DAB1: variants seen among roughly 807,000 people sequenced by gnomAD.
DAB1 encodes DAB adaptor protein 1, also known as disabled homolog 1.
In DAB1, 15 loss-of-function variants were observed where a neutral mutation model predicts 64.6. The observed-to-expected ratio is 0.23, with a 90% CI of 0.16 to 0.36. The LOEUF (loss-of-function observed/expected upper bound fraction) is 0.36. DAB1 is among the 10% of genes least tolerant of loss of function. The pLI, the probability that DAB1 is intolerant of heterozygous loss-of-function variation, is 1.00. For missense variants in DAB1, 596 were observed against 706.7 expected (o/e 0.84, Z 1.78); for synonymous variants, 235 against 251.9 (o/e 0.93, Z 0.64).
intron 3 of DAB1, among the ~76,000 whole-genome samples, chr1:58,423,570 T>A (rs531246037): frequency 6.6e-6 from 1 of 152,310 alleles, no homozygotes; most frequent in African/African-American, 2.4e-5. Flanking sequence ...GGGTTCCCTA[T>A]CCTTCAGCTC....
chr1:57,104,044 C>T (rs1557726114), intron 4 of DAB1, among the ~76,000 whole-genome samples: 1 of 152,178 alleles, frequency 6.6e-6, no homozygotes, highest in East Asian at 1.9e-4. Context: ...TCCTGGGCCT[C>T]TCCCTCTACA....
At chr1:57,131,334 C>T (rs551463429) in intron 4 of DAB1, among the ~76,000 whole-genome samples, 1 of 152,258 alleles carries the variant, frequency 6.6e-6, no homozygotes, top group East Asian at 1.9e-4. Context: ...TAAAAAATTC[C>T]AGGAACTGTT....
chr1:57,373,715 A>T (rs1418622127), intron 1 of DAB1, among the ~76,000 whole-genome samples: 1 of 152,200 alleles, frequency 6.6e-6, no homozygotes, highest in Non-Finnish European at 1.5e-5. Flanking sequence ...CAGCAGTCGC[A>T]AATTCTGGTC....
At chr1:58,455,816 G>T (rs1173540948) in intron 3 of DAB1, among the ~76,000 whole-genome samples, 1 of 152,208 alleles carries the variant, frequency 6.6e-6, no homozygotes, top group Admixed American at 6.5e-5. Context: ...AGTGAGTGGT[G>T]TCTCCTTCTT....
chr1:57,064,994 C>T (rs557214730), intron 8 of DAB1, among the ~76,000 whole-genome samples: 1 of 152,316 alleles, frequency 6.6e-6, no homozygotes, highest in South Asian at 2.1e-4. Flanking sequence ...AAATGAAGAA[C>T]ATTCTGTTGC....
intron 4 of DAB1, among the ~76,000 whole-genome samples, chr1:57,123,014 C>T (rs983277977): frequency 6.6e-6 from 1 of 152,026 alleles, no homozygotes; most frequent in African/African-American, 2.4e-5. Flanking sequence ...GCCCAAGATA[C>T]TACAGCTTTA....
intron 10 of DAB1, among the ~76,000 whole-genome samples, chr1:57,025,191 G>A (rs1407109287): frequency 6.6e-6 from 1 of 152,344 alleles, no homozygotes; most frequent in Middle Eastern, 3.4e-3. Context: ...GGCTGGAGGG[G>A]CCATCTCGGC....
At chr1:57,423,482 A>C (rs1685090247) in intron 1 of DAB1, among the ~76,000 whole-genome samples, 1 of 152,010 alleles carries the variant, frequency 6.6e-6, no homozygotes, top group Non-Finnish European at 1.5e-5. Context: ...GAATGAGGAA[A>C]AGGGTCTGGC....
At chr1:58,439,840 A>G (rs1475388140) in intron 3 of DAB1, among the ~76,000 whole-genome samples, 1 of 152,244 alleles carries the variant, frequency 6.6e-6, no homozygotes, top group Admixed American at 6.5e-5. Flanking sequence ...CATCACTATC[A>G]TTAGAAGATC....
At chr1:57,718,894 C>T (rs1392730830) in intron 6 of DAB1, among the ~76,000 whole-genome samples, 3 of 150,716 alleles carry the variant, frequency 2.0e-5, no homozygotes, top group Non-Finnish European at 2.9e-5. Flanking sequence ...CTTAAGGATG[C>T]AAAAGTGACT....
chr1:58,220,601 A>G (rs749928324), intron 4 of DAB1, among the ~76,000 whole-genome samples: 41 of 152,174 alleles, frequency 2.7e-4, no homozygotes, highest in Non-Finnish European at 7.3e-5. Context: ...CAAGTTAAAG[A>G]GCAGTGGCTG....
intron 4 of DAB1, among the ~76,000 whole-genome samples, chr1:58,165,786 G>A (rs973535108): frequency 1.1e-4 from 16 of 152,178 alleles, no homozygotes; most frequent in African/African-American, 3.6e-4. Flanking sequence ...TTTAACCACT[G>A]TTGTAAAGAT....
exon 3 of DAB1, chr1:58,506,096 G>T (rs764816646): frequency 2.3e-6 from 2 of 871,794 alleles, no homozygotes; most frequent in Admixed American, 1.7e-5. Flanking sequence ...CAACTCGATT[G>T]CCATGAGAAG....
intron 1 of DAB1, among the ~76,000 whole-genome samples, chr1:57,366,035 A>G (rs1174333277): frequency 6.6e-6 from 1 of 152,206 alleles, no homozygotes; most frequent in Non-Finnish European, 1.5e-5. Context: ...AGCTAGGACT[A>G]TGCAAATTGG....
intron 5 of DAB1, among the ~76,000 whole-genome samples, chr1:57,907,242 G>A (rs973410163): frequency 6.6e-6 from 1 of 152,158 alleles, no homozygotes; most frequent in Non-Finnish European, 1.5e-5. Flanking sequence ...AAGCACTCAG[G>A]CACGGTGCAC....
At chr1:58,513,868 C>T (rs906952560) in intron 2 of DAB1, among the ~76,000 whole-genome samples, 2 of 152,282 alleles carry the variant, frequency 1.3e-5, no homozygotes, top group African/African-American at 4.8e-5. Context: ...GACTACATAA[C>T]TTGACAAAGC....
chr1:57,740,671 G>A (rs912020147), intron 6 of DAB1, among the ~76,000 whole-genome samples: 7 of 152,168 alleles, frequency 4.6e-5, no homozygotes, highest in African/African-American at 1.7e-4. Flanking sequence ...GGGAGGTTAA[G>A]TAAATGTATG....
At chr1:57,760,693 G>A (rs1438423270) in intron 6 of DAB1, among the ~76,000 whole-genome samples, 4 of 151,188 alleles carry the variant, frequency 2.6e-5, no homozygotes, top group Non-Finnish European at 5.9e-5. Flanking sequence ...AAGGGGAGTC[G>A]GCAGTCTGGG....
At chr1:58,440,789 CT>C (rs1236070210) in intron 3 of DAB1, among the ~76,000 whole-genome samples, 1 of 152,166 alleles carries the variant, frequency 6.6e-6, no homozygotes, top group African/African-American at 2.4e-5. Flanking sequence ...AGCTGAGGCA[CT>C]GTCTGATCTT....
Sources: gnomAD v4.1 joint callset for allele counts (sites outside exome capture counted in the v4.1 genomes callset) on GRCh38, gnomAD v4.1.1 for gene constraint, MANE v1.5 for transcripts, NCBI Gene and HGNC (gene_info 2026-07-23, HGNC 2026-07-21) for gene names.